YJU2B: variants seen among roughly 807,000 people sequenced by gnomAD.
YJU2B encodes probable splicing factor YJU2B.
YJU2B carries 18 observed loss-of-function variants against 38.0 expected under a neutral mutation model. The ratio of observed to expected loss-of-function variants is 0.47; its 90% CI spans 0.33 to 0.70. YJU2B has a LOEUF of 0.70. YJU2B is among the 30% of genes least tolerant of loss of function. The pLI is 0.02. For synonymous variants in YJU2B, 246 were observed against 225.4 expected, an observed-to-expected ratio of 1.09 and a Z score of -0.82; for missense variants, 538 against 556.3, an observed-to-expected ratio of 0.97 and a Z score of 0.33.
chr19:13,761,154 C>A (rs903618744), intron 8 of YJU2B, among the ~76,000 whole-genome samples: 6 of 151,322 alleles, frequency 4.0e-5, no homozygotes, highest in Non-Finnish European at 7.4e-5. Flanking sequence ...CTGAGGCAGG[C>A]GGATCACGAG....
Position 13,762,369 on chromosome 19 carries a change from T to C in YJU2B, c.644T>C (p.Ile215Thr). ...QALQAKASLT[I>T]PLVPETEDDR... ...TTGCAGGCCAAGGCGAGCCTGACCA[T>C]CCCGCTGGTGCCCGAGACGGAAGAT... The change falls in exon 9 of 10, where the codon ATC (isoleucine) becomes ACC (threonine). Residue 215 changes from isoleucine to threonine, a missense_variant. This residue lies in a region of YJU2B where 488 missense variants were observed against 469.5 expected (regional missense o/e 1.04). Coordinates refer to ENST00000221554, the MANE Select transcript of YJU2B (RefSeq NM_030818.4). 2 of 1,613,804 alleles carry C rather than the reference T, an allele frequency of 1.2e-6. No homozygotes were observed. The highest frequency in any genetic ancestry group is 1.7e-6 in the Non-Finnish European group (2 of 1,179,994).
At chr19:13,755,163 C>CAAAA (rs1043821281) in intron 3 of YJU2B, among the ~76,000 whole-genome samples, 12 of 57,274 alleles carry the variant, frequency 2.1e-4, no homozygotes, top group African/African-American at 6.3e-4. Context: ...GACCCTGCCT[C>CAAAA]AAAAAAAAAA....
upstream of YJU2B, among the ~76,000 whole-genome samples, chr19:13,746,563 TTTAA>T (rs1973256064): frequency 6.6e-6 from 1 of 152,138 alleles, no homozygotes; most frequent in Non-Finnish European, 1.5e-5. Context: ...AAAAGCCATA[TTTAA>T]TTATGTACCT....
At position 13,763,128 on chromosome 19, in the gene YJU2B, C is replaced by T; in HGVS notation, c.*60C>T. 24 of 1,407,260 alleles carry T rather than the reference C, an allele frequency of 1.7e-5. No homozygotes were observed. The highest frequency in any genetic ancestry group is 2.3e-5 in the Admixed American group (1 of 42,948). The allele number at this position is 1,407,260 out of a possible 1,614,324, so 87.2% of individuals were successfully genotyped here. On this transcript the variant is annotated 3_prime_UTR_variant, in exon 10 of 10. Coordinates refer to ENST00000221554, the MANE Select transcript of YJU2B (RefSeq NM_030818.4). ...AGGCCCGGACACACCCAGGAGGCCCCTCACAGACTGCAGACCCCCGGCTCG... is the reference window on the plus strand; with the variant it reads ...AGGCCCGGACACACCCAGGAGGCCCTTCACAGACTGCAGACCCCCGGCTCG...
intron 1 of YJU2B, among the ~76,000 whole-genome samples, chr19:13,749,045 C>T (rs1163629075): frequency 1.3e-5 from 2 of 152,206 alleles, no homozygotes; most frequent in Non-Finnish European, 2.9e-5. Context: ...CTCTTGTCAC[C>T]TTGGATGGAG....
rs375465447 is a variant in YJU2B at position 13,758,856 on chromosome 19, G to A, written c.258-12G>A. ...CACAGCCTCCTGACTCCTGCCCACC[G>A]CTCCCTCCCAGGTTCCGGATGAAAT... On this transcript the variant is annotated splice_polypyrimidine_tract_variant and intron_variant, in intron 6 of 9. Transcript: ENST00000221554. The A allele has an allele frequency of 3.4e-5, 55 of 1,613,490 alleles. No individual in the cohort carries two copies. In the Middle Eastern group the frequency reaches 5.0e-4, roughly 15 times the overall value.
At chr19:13,760,706 AC>A (rs1255754834) in intron 8 of YJU2B, among the ~76,000 whole-genome samples, 2 of 151,590 alleles carry the variant, frequency 1.3e-5, no homozygotes, top group African/African-American at 4.8e-5. Flanking sequence ...AATCCTCCCC[AC>A]TAAGCCTCCC....
At position 13,762,904 on chromosome 19, in the gene YJU2B, A is replaced by G; in HGVS notation, c.1027A>G (p.Thr343Ala). Residue 343 changes from threonine to alanine, a missense_variant, in exon 10 of 10, where the codon ACC becomes GCC. Transcript: ENST00000221554. The stretch of plus-strand genomic sequence containing the variant: ...AGACTGTCCTCCGGAAACAACTGAG[A>G]CCCCCAAGTGCAGCAGCCCGAGGGG... ...PGDCPPETTE[T>A]PKCSSPRGQE... is the part of the protein sequence containing the mutation. 1 of 1,610,734 alleles carries G rather than the reference A, an allele frequency of 6.2e-7. No homozygotes were observed. Among genetic ancestry groups the G allele is most frequent in the Non-Finnish European group, 8.5e-7 (1 of 1,179,454 alleles).
rs372266888 is a variant in YJU2B, at chr19:13,763,007, G to A, written c.1130G>A (p.Arg377Gln). 3.1e-6 allele frequency: 5 copies of A among 1,602,908 alleles called. No homozygotes were observed. Among genetic ancestry groups the A allele is most frequent in the Non-Finnish European group, 4.3e-6 (5 of 1,174,452 alleles). ...SQEAADTPDT[R>Q]HPCSLGSSLV... ...GAGGCAGCTGACACCCCCGACACGC[G>A]GCACCCCTGCAGTCTCGGCTCCTCC... The change falls in exon 10 of 10, where the codon CGG becomes CAG. Residue 377 changes from arginine (R) to glutamine (Q), a missense_variant. Arg to Gln is a conservative substitution (Grantham distance 43, BLOSUM62 1). Transcript: ENST00000221554.
chr19:13,751,284 G>A (rs913142606), intron 1 of YJU2B, among the ~76,000 whole-genome samples: 5 of 152,170 alleles, frequency 3.3e-5, no homozygotes, highest in Admixed American at 1.3e-4. Flanking sequence ...GTGTGGTGGC[G>A]CACGCTTGTA....
chr19:13,762,332 A>G lies in YJU2B; in HGVS notation c.607A>G (p.Arg203Gly). 1 of 1,613,792 alleles carries G rather than the reference A, an allele frequency of 6.2e-7. No individual in the cohort carries two copies. The highest frequency in any genetic ancestry group is 8.5e-7 in the Non-Finnish European group (1 of 1,179,990). The change falls in exon 9 of 10, where the codon AGA becomes GGA. Residue 203 changes from arginine to glycine, a missense_variant. Arg to Gly is a moderately radical substitution (Grantham distance 125). Around this residue, in one of 2 missense-constraint regions of YJU2B, gnomAD observed 488 missense variants for 469.5 expected, o/e 1.04. Coordinates refer to ENST00000221554, the MANE Select transcript of YJU2B (RefSeq NM_030818.4). ...AAAAGCCATCCAGGAGGAGGAGGAGAGAGACCAGGCCTTGCAGGCCAAGGC... is the reference window on the plus strand; with the variant it reads ...AAAAGCCATCCAGGAGGAGGAGGAGGGAGACCAGGCCTTGCAGGCCAAGGC... The part of the protein sequence containing the change: ...KKKAIQEEEE[R>G]DQALQAKASL...
intron 8 of YJU2B, among the ~76,000 whole-genome samples, chr19:13,762,055 C>T (rs369017071): frequency 3.3e-5 from 5 of 152,018 alleles, no homozygotes; most frequent in Non-Finnish European, 4.4e-5. Context: ...ATTAGCTGGG[C>T]GTGGTGGTGC....
intron 3 of YJU2B, among the ~76,000 whole-genome samples, 185 bp from the exon 4 acceptor site, chr19:13,756,012 C>G (rs1464437627): frequency 2.6e-5 from 4 of 152,182 alleles, no homozygotes. Flanking sequence ...GTTCCTGGTT[C>G]CAAGCCTACA....
rs1221189597 is a variant in YJU2B at position 13,757,910 on chromosome 19, AG to A, written c.257+65del. On this transcript the variant is annotated intron_variant, in intron 6 of 9. Transcript: ENST00000221554. ...TGGCCACAGGGCGAGGGGGCTACAA[AG>A]AGCCTGAGTTGCGGGGGGAACCCAT... The A allele has an allele frequency of 1.3e-5, 19 of 1,440,916 alleles. 1 individual carries two copies. The African/African-American group carries it at 2.5e-4, about 19-fold the overall frequency. The allele number at this position is 1,440,916 out of a possible 1,614,324, so 89.3% of individuals were successfully genotyped here.
chr19:13,735,981 G>A (rs1267900492), intron 2 of YJU2B, among the ~76,000 whole-genome samples: 2 of 151,566 alleles, frequency 1.3e-5, no homozygotes, highest in Admixed American at 6.6e-5. Flanking sequence ...GAACCTGGGA[G>A]GCAGAGCTTG....
At position 13,751,853 on chromosome 19, in the gene YJU2B, C is replaced by G. The variant is rs777898535; in HGVS notation, c.3+42C>G. ...GTGTGCCCTGGGTTTCTCTCCCAGT[C>G]TTTGTAGGACCCTGGAAGCAGCCCC... is the stretch of plus-strand genomic sequence containing the variant. On this transcript the variant is annotated intron_variant, in intron 2 of 9. Coordinates refer to ENST00000221554, the MANE Select transcript of YJU2B (RefSeq NM_030818.4). 7.5e-6 allele frequency: 12 copies of G among 1,606,258 alleles called. No individual in the cohort carries two copies. The Admixed American group carries it at 2.0e-4, about 27-fold the overall frequency.
chr19:13,737,327 C>T (rs1475322168), intron 2 of YJU2B, among the ~76,000 whole-genome samples: 1 of 152,098 alleles, frequency 6.6e-6, no homozygotes, highest in Non-Finnish European at 1.5e-5. Flanking sequence ...TGCCTGGCCA[C>T]TTCTTTGCTC....
chr19:13,734,489 C>A (rs1399426738), intron 2 of YJU2B, among the ~76,000 whole-genome samples: 1 of 152,026 alleles, frequency 6.6e-6, no homozygotes, highest in Admixed American at 6.6e-5. Flanking sequence ...AGAGTTTCAC[C>A]ATGTTGGCCA....
chr19:13,759,159 G>A lies in YJU2B; in HGVS notation c.460G>A (p.Ala154Thr), dbSNP rs771800857. 11 of 1,613,556 alleles carry A rather than the reference G, an allele frequency of 6.8e-6. No homozygotes were observed. Among genetic ancestry groups the A allele is most frequent in the Non-Finnish European group, 9.3e-6 (11 of 1,179,844 alleles). Residue 154 changes from alanine (A) to threonine (T), a missense_variant, in exon 8 of 10, where the codon GCC (alanine) becomes ACC (threonine). Transcript: ENST00000221554. Reference sequence around the variant, plus strand: ...CATGTTCCGGCTGGAGCATGGCGAGGCCGACCGCAGCACACTCAAGAAGGC... The same window carrying A: ...CATGTTCCGGCTGGAGCATGGCGAGACCGACCGCAGCACACTCAAGAAGGC... ...DAMFRLEHGE[A>T]DRSTLKKALP...
Sources: allele counts gnomAD v4.1 joint callset (sites outside exome capture counted in the v4.1 genomes callset), GRCh38; gene constraint gnomAD v4.1.1; regional missense constraint gnomAD v4.1.1; transcripts MANE v1.5; gene names NCBI Gene and HGNC (gene_info 2026-07-23, HGNC 2026-07-21).